The following PCNX1 variants were observed in gnomAD, a reference collection of about 807,000 sequenced individuals.
PCNX1 encodes the protein pecanex-like protein 1.
A neutral mutation model predicts 242.2 loss-of-function variants in PCNX1; 78 were observed. The observed-to-expected ratio is 0.32, with a 90% CI of 0.27 to 0.39. The LOEUF is 0.39. PCNX1 is among the 10% of genes least tolerant of loss of function. PCNX1 has a pLI of 1.00. For missense variants in PCNX1, 2,581 were observed against 2,856.5 expected, an observed-to-expected ratio of 0.90 and a Z score of 2.20; for synonymous variants, 1,024 against 1,032.9, an observed-to-expected ratio of 0.99 and a Z score of 0.17.
intron 11 of PCNX1, among the ~76,000 whole-genome samples, chr14:71,016,445 A>C (rs1329568980): frequency 6.6e-6 from 1 of 152,206 alleles, no homozygotes; most frequent in Non-Finnish European, 1.5e-5. Flanking sequence ...AAGAGAATAT[A>C]CATTTTTCTA....
intron 1 of PCNX1, among the ~76,000 whole-genome samples, chr14:70,938,245 C>T (rs867651158): frequency 1.4e-4 from 21 of 152,164 alleles, no homozygotes; most frequent in Admixed American, 1.2e-3. Flanking sequence ...TTTGCCCATT[C>T]AGTATGATTA....
rs563051183 is a variant in PCNX1, at chr14:70,966,163, A to C, written c.469-2035A>C. ...CCTGTTGTTTCACTTGTAAATAGTC[A>C]TGATTCTTTTTGAGGGGAAGCATAA... On this transcript the variant is annotated intron_variant, in intron 3 of 35. Coordinates refer to ENST00000304743, the MANE Select transcript of PCNX1 (RefSeq NM_014982.3). 2.0e-5 allele frequency among the ~76,000 whole-genome samples: 3 copies of C among 152,332 alleles called. No individual in the cohort carries two copies. In the South Asian group the frequency reaches 6.2e-4, roughly 32 times the overall value.
intron 1 of PCNX1, among the ~76,000 whole-genome samples, chr14:70,932,766 C>T (rs546740520): frequency 7.9e-5 from 12 of 152,144 alleles, no homozygotes; most frequent in African/African-American, 2.4e-4. Flanking sequence ...TCATGCGCCA[C>T]CATGCCCGGC....
At chr14:70,983,525 G>C (rs966657113) in intron 6 of PCNX1, among the ~76,000 whole-genome samples, 1 of 152,080 alleles carries the variant, frequency 6.6e-6, no homozygotes, top group East Asian at 1.9e-4. Context: ...GGCTGGTCTC[G>C]AACTCCTGAC....
At chr14:70,941,756 C>T (rs937435377) in intron 1 of PCNX1, among the ~76,000 whole-genome samples, 5 of 152,208 alleles carry the variant, frequency 3.3e-5, no homozygotes. Flanking sequence ...AGGCAGGCCT[C>T]CTTGAGCTGC....
chr14:71,108,890 C>T lies in PCNX1; in HGVS notation c.6588C>T (p.Ser2196=). 1 of 1,614,242 alleles carries T rather than the reference C, an allele frequency of 6.2e-7. No individual in the cohort carries two copies. Among genetic ancestry groups the T allele is most frequent in the Non-Finnish European group, 8.5e-7 (1 of 1,180,038 alleles). ...VQHGLPSSSS[S]SQSIPACKHH... ...ACGGCCTGCCTTCCTCCAGCAGCTC[C>T]AGCCAAAGCATCCCAGCCTGCAAAC... Residue 2196 remains serine, a synonymous_variant, in exon 34 of 36, where the codon TCC becomes TCT. Transcript: ENST00000304743.
In PCNX1 at chr14:70,938,015, T is replaced by G. The variant is rs1220261164; in HGVS notation, c.154-8900T>G. 4.6e-5 allele frequency among the ~76,000 whole-genome samples: 7 copies of G among 152,220 alleles called. No individual in the cohort carries two copies. The South Asian group carries it at 1.4e-3, about 31-fold the overall frequency. ...GACTTTGCTGAAGTTGCTTATCAGC[T>G]TAAGGAGATTTTGGGCTCAGACGAT... On this transcript the variant is annotated intron_variant, in intron 1 of 35. Coordinates refer to ENST00000304743, the MANE Select transcript of PCNX1 (RefSeq NM_014982.3).
rs557675840 is a variant in PCNX1 at position 70,985,217 on chromosome 14, A to T, written c.2312-3350A>T. ...TTTTTATTTTATTTATTTTGTTTTTAATTTTATTTTATTTTAGATGGAGTT... is the reference window on the plus strand; with the variant it reads ...TTTTTATTTTATTTATTTTGTTTTTTATTTTATTTTATTTTAGATGGAGTT... On this transcript the variant is annotated intron_variant, in intron 6 of 35. Coordinates refer to ENST00000304743, the MANE Select transcript of PCNX1 (RefSeq NM_014982.3). Among the ~76,000 whole-genome samples the T allele has an allele frequency of 3.5e-3, 539 of 152,068 alleles. 1 individual carries two copies. The highest frequency in any genetic ancestry group is 0.013 in the African/African-American group (523 of 41,474).
At chr14:71,039,180 A>G (rs1232525907) in intron 19 of PCNX1, among the ~76,000 whole-genome samples, 4 of 152,070 alleles carry the variant, frequency 2.6e-5, no homozygotes, top group South Asian at 2.1e-4. Flanking sequence ...TATGTAACTA[A>G]CCTGCACAAT....
chr14:70,937,075 C>A (rs2057036658), intron 1 of PCNX1, among the ~76,000 whole-genome samples: 1 of 152,114 alleles, frequency 6.6e-6, no homozygotes, highest in East Asian at 1.9e-4. Flanking sequence ...TTCTCCCGTT[C>A]TGTAGGTTGC....
Position 71,114,490 on chromosome 14 carries a change from ATTTATC to A in PCNX1, c.*4561_*4566del, listed in dbSNP as rs1220925389. ...CATCTGTCAAGAATTATGTATAACA[ATTTATC>A]TTTATTGCCTACATACAACATACTT... is the stretch of plus-strand genomic sequence containing the variant. On this transcript the variant is annotated 3_prime_UTR_variant, in exon 36 of 36. Coordinates refer to ENST00000304743, the MANE Select transcript of PCNX1 (RefSeq NM_014982.3). The A allele has an allele frequency of 6.6e-6, 1 of 152,512 alleles. No individual in the cohort carries two copies. The highest frequency in any genetic ancestry group is 6.5e-5 in the Admixed American group (1 of 15,278). The allele number at this position is 152,512 out of a possible 1,614,324, so 9.4% of individuals were successfully genotyped here.
At chr14:71,091,245 A>G (rs924672655) in intron 30 of PCNX1, among the ~76,000 whole-genome samples, 6 of 152,220 alleles carry the variant, frequency 3.9e-5, no homozygotes, top group South Asian at 2.1e-4. Flanking sequence ...TAGGTTGTCT[A>G]TGAGGATCTC....
At chr14:71,050,513 G>A in intron 22 of PCNX1, 139 bp from the exon 23 acceptor site, 2 of 664,906 alleles carry the variant, frequency 3.0e-6, no homozygotes, top group East Asian at 3.0e-5. Flanking sequence ...TTCCTGTTAT[G>A]TAAATGGCAA....
chr14:70,910,622 TC>T (rs1056338906), intron 1 of PCNX1, among the ~76,000 whole-genome samples: 2 of 152,200 alleles, frequency 1.3e-5, no homozygotes, highest in African/African-American at 4.8e-5. Context: ...AATAGCAACT[TC>T]CCCAGCTCTC....
At position 71,026,201 on chromosome 14, in the gene PCNX1, A is replaced by G; in HGVS notation, c.3268A>G (p.Arg1090Gly). ...TATTTGGCTCTTGGATTATGGTAGC[A>G]GAAACCTGACTGCAACCAAGTTCAA... is the stretch of plus-strand genomic sequence containing the variant. ...GLIWLLDYGSRNLTATKFKLY... is the reference protein window; with the variant it reads ...GLIWLLDYGSGNLTATKFKLY... Residue 1090 changes from arginine (R) to glycine (G), a missense_variant, in exon 14 of 36, where the codon AGA (arginine) becomes GGA (glycine). Physicochemically the swap from Arg to Gly is moderately radical, Grantham distance 125 (BLOSUM62 -2). Coordinates refer to ENST00000304743, the MANE Select transcript of PCNX1 (RefSeq NM_014982.3). 2 of 1,612,050 alleles carry G rather than the reference A, an allele frequency of 1.2e-6. No homozygotes were observed. Among genetic ancestry groups the G allele is most frequent in the Non-Finnish European group, 1.7e-6 (2 of 1,178,610 alleles).
chr14:71,075,834 C>T (rs1028309216), intron 27 of PCNX1, among the ~76,000 whole-genome samples: 4 of 151,708 alleles, frequency 2.6e-5, no homozygotes, highest in South Asian at 2.1e-4. Context: ...TGCAGTGAGC[C>T]GAGATTATGC....
At chr14:71,097,235 T>G (rs1025001343) in intron 30 of PCNX1, among the ~76,000 whole-genome samples, 1 of 152,248 alleles carries the variant, frequency 6.6e-6, no homozygotes, top group Non-Finnish European at 1.5e-5. Flanking sequence ...CTAGATTGAT[T>G]CTGCATCTTT....
chr14:71,109,879 G>T lies in PCNX1; in HGVS notation c.6970G>T (p.Asp2324Tyr). 6.2e-7 allele frequency: 1 copy of T among 1,613,206 alleles called. No homozygotes were observed. The highest frequency in any genetic ancestry group is 8.5e-7 in the Non-Finnish European group (1 of 1,179,222). Residue 2324 changes from aspartate to tyrosine, a missense_variant, in exon 36 of 36, where the codon GAT becomes TAT. By Grantham distance (160) the Asp-to-Tyr change is radical (BLOSUM62 -3). Around this residue, in one of 9 missense-constraint regions of PCNX1, gnomAD observed 432 missense variants for 433.6 expected, o/e 1.00. Transcript: ENST00000304743. ...DKAVLLVQIDDKYVTVIETGV... is the reference protein window; with the variant it reads ...DKAVLLVQIDYKYVTVIETGV... The stretch of plus-strand genomic sequence containing the variant: ...GGCAGTGCTTCTGGTCCAGATTGAT[G>T]ATAAATATGTGACTGTAATTGAAAC...
chr14:70,976,939 C>T lies in PCNX1; in HGVS notation c.605-3C>T. 6.2e-7 allele frequency: 1 copy of T among 1,606,510 alleles called. No individual in the cohort carries two copies. The highest frequency in any genetic ancestry group is 8.5e-7 in the Non-Finnish European group (1 of 1,175,492). ...AACATTTCAAAATATGTGTTTGAAA[C>T]AGATTTGGCAGCTGATCGGAAGCTC... On this transcript the variant is annotated splice_region_variant and splice_polypyrimidine_tract_variant and intron_variant, in intron 5 of 35. Transcript: ENST00000304743.
Sources: allele counts gnomAD v4.1 joint callset (sites outside exome capture counted in the v4.1 genomes callset), GRCh38; gene constraint gnomAD v4.1.1; regional missense constraint gnomAD v4.1.1; transcripts MANE v1.5; gene names NCBI Gene and HGNC (gene_info 2026-07-23, HGNC 2026-07-21).